The following LTN1 variants were observed in gnomAD, a reference collection of about 807,000 sequenced individuals.
LTN1 encodes the protein listerin E3 ubiquitin protein ligase 1.
Under a neutral mutation model 201.2 loss-of-function variants are expected in LTN1, and 88 were observed. The ratio of observed to expected loss-of-function variants is 0.44; its 90% CI spans 0.37 to 0.52. LTN1 has a LOEUF of 0.52. Among genes scored for constraint, LTN1 ranks in the 20% least tolerant of loss-of-function variants. The pLI is 0.00. For synonymous variants in LTN1, 645 were observed against 713.5 expected (o/e 0.90, Z 1.53); for missense variants, 1,752 against 2,038.7 (o/e 0.86, Z 2.71).
chr21:28,966,488 C>A lies in LTN1; in HGVS notation c.2003G>T (p.Gly668Val). Residue 668 changes from glycine to valine, a missense_variant, in exon 10 of 30, where the codon GGT becomes GTT. This residue lies in a region of LTN1 where 1,211 missense variants were observed against 1,312.8 expected (regional missense o/e 0.92). Transcript: ENST00000361371. ...CTTCCTTTGATCTTCATTTAGCCAA[C>A]CTATCAGTTTCTGGTATAAAAACTG... Reference protein sequence around the residue: ...AVQFLYQKLIGWLNEDQRKDF... With the variant: ...AVQFLYQKLIVWLNEDQRKDF... The A allele has an allele frequency of 6.2e-7, 1 of 1,614,132 alleles. No individual in the cohort carries two copies. Among genetic ancestry groups the A allele is most frequent in the Non-Finnish European group, 8.5e-7 (1 of 1,180,018 alleles).
At position 28,932,796 on chromosome 21, in the gene LTN1, A is replaced by C. The variant is rs554144098; in HGVS notation, c.4876-132T>G. 247 of 591,660 alleles carry C rather than the reference A, an allele frequency of 4.2e-4. 1 individual carries two copies. The highest frequency in any genetic ancestry group is 4.1e-3 in the African/African-American group (215 of 52,314). The allele number at this position is 591,660 out of a possible 1,614,324, so 36.7% of individuals were successfully genotyped here. A position where few individuals can be genotyped will look rare whatever the true frequency, so the allele number is the denominator to read the frequency against. On this transcript the variant is annotated intron_variant, in intron 27 of 29. Transcript: ENST00000361371. ...GCAGGTAAATACATTCACTTATCTG[A>C]CATGAGATAATTAAGAAATACGTTT...
At chr21:28,946,500 A>G (rs1305402244) in intron 19 of LTN1, among the ~76,000 whole-genome samples, 1 of 152,164 alleles carries the variant, frequency 6.6e-6, no homozygotes, top group Non-Finnish European at 1.5e-5. Flanking sequence ...CACACAATAG[A>G]GAATTTGGGG....
chr21:28,932,628 T>A lies in LTN1; in HGVS notation c.4912A>T (p.Thr1638Ser). 1 of 1,613,336 alleles carries A rather than the reference T, an allele frequency of 6.2e-7. No individual in the cohort carries two copies. Among genetic ancestry groups the A allele is most frequent in the African/African-American group, 1.3e-5 (1 of 75,008 alleles). Reference sequence around the variant, plus strand: ...ATAACTATGTCCTCAATAGTATAAGTAGCCATTACCTCTCGAGTAGTAGCT... The same window carrying A: ...ATAACTATGTCCTCAATAGTATAAGAAGCCATTACCTCTCGAGTAGTAGCT... ...ARATTREVMA[T>S]YTIEDIVIEL... Residue 1638 changes from threonine to serine, a missense_variant, in exon 28 of 30, where the codon ACT (threonine) becomes TCT (serine). This residue lies in a region of LTN1 where 261 missense variants were observed against 350.1 expected (regional missense o/e 0.75). Transcript: ENST00000361371.
At chr21:28,931,070 T>G (rs919203800) in intron 29 of LTN1, 85 bp downstream of exon 29, 17 of 259,460 alleles carry the variant, frequency 6.6e-5, no homozygotes, top group Admixed American at 3.2e-4. Context: ...TGTGTAGGTG[T>G]GTGTGTGTGT....
chr21:28,964,790 G>A, intron 11 of LTN1: 3 of 1,534,080 alleles, frequency 2.0e-6, no homozygotes, highest in Non-Finnish European at 2.6e-6. Context: ...GGATACATTA[G>A]TCTACTCTTA....
intron 9 of LTN1, among the ~76,000 whole-genome samples, chr21:28,968,609 A>ACATCTTTCT (rs1280488746): frequency 4.6e-5 from 7 of 151,812 alleles, no homozygotes; most frequent in African/African-American, 1.7e-4. Flanking sequence ...GCTTTGCATT[A>ACATCTTTCT]CATCTTTCTT....
intron 18 of LTN1, among the ~76,000 whole-genome samples, chr21:28,949,642 C>T (rs937497952): frequency 5.9e-5 from 9 of 152,188 alleles, no homozygotes; most frequent in African/African-American, 2.2e-4. Flanking sequence ...CCTCAAGGTT[C>T]ATACAGACTG....
rs761480766 is a variant in LTN1, at chr21:28,943,918, G to A, written c.3983-14C>T. ...CTTTGTTTTCTCCTAATGACAAAAAGGAAAGAAACATGCACGTCTCAAAAG... is the reference window on the plus strand; with the variant it reads ...CTTTGTTTTCTCCTAATGACAAAAAAGAAAGAAACATGCACGTCTCAAAAG... On this transcript the variant is annotated splice_polypyrimidine_tract_variant and intron_variant, in intron 22 of 29. Transcript: ENST00000361371. The A allele has an allele frequency of 1.3e-6, 2 of 1,524,802 alleles. No homozygotes were observed. The highest frequency in any genetic ancestry group is 9.1e-7 in the Non-Finnish European group (1 of 1,099,700). The allele number at this position is 1,524,802 out of a possible 1,614,324, so 94.5% of individuals were successfully genotyped here.
Position 28,944,370 on chromosome 21 carries a change from CT to C in LTN1, c.3982+12del. ...AATGAATCAATCTCACTATTATTCC[CT>C]TTTTCACTTGCCTGTAACAGTCACC... On this transcript the variant is annotated intron_variant, in intron 22 of 29. Coordinates refer to ENST00000361371, the MANE Select transcript of LTN1 (RefSeq NM_015565.3). 3 of 1,596,112 alleles carry C rather than the reference CT, an allele frequency of 1.9e-6. No homozygotes were observed. The highest frequency in any genetic ancestry group is 2.6e-6 in the Non-Finnish European group (3 of 1,163,888).
At chr21:28,970,773 A>G (rs1317547302) in intron 7 of LTN1, 31 bp from the exon 8 acceptor site, 1 of 1,519,116 alleles carries the variant, frequency 6.6e-7, no homozygotes, top group Non-Finnish European at 9.1e-7. Context: ...AGTAGTAATT[A>G]GAGATCATAA....
chr21:28,964,414 T>C (rs1601193734), intron 11 of LTN1, among the ~76,000 whole-genome samples: 1 of 152,234 alleles, frequency 6.6e-6, no homozygotes, highest in African/African-American at 2.4e-5. Flanking sequence ...TTAGCACTGT[T>C]TAGCAATAAA....
At position 28,935,007 on chromosome 21, in the gene LTN1, A is replaced by G. The variant is rs2084242821; in HGVS notation, c.4875+102T>C. 4 of 805,912 alleles carry G rather than the reference A, an allele frequency of 5.0e-6. No homozygotes were observed. In the East Asian group the frequency reaches 1.0e-4, roughly 21 times the overall value. 49.9% of individuals were successfully genotyped at this position (805,912 alleles called of 1,614,324 possible). On this transcript the variant is annotated intron_variant, in intron 27 of 29. Coordinates refer to ENST00000361371, the MANE Select transcript of LTN1 (RefSeq NM_015565.3). ...CCACGACTCCTGGCCACCAGTTTCT[A>G]TAAATTCTGAGTTAAGAGCTACAGT...
chr21:28,970,473 A>C, intron 8 of LTN1, 79 bp downstream of exon 8: 3 of 945,664 alleles, frequency 3.2e-6, no homozygotes, highest in Non-Finnish European at 4.8e-6. Flanking sequence ...AACTTGGAGA[A>C]ATTTAAGTAA....
chr21:28,992,213 CACA>C lies in LTN1; in HGVS notation c.42+548_42+550del, dbSNP rs2084752005. Among the ~76,000 whole-genome samples the C allele has an allele frequency of 2.0e-4, 30 of 152,180 alleles. No individual in the cohort carries two copies. In the South Asian group the frequency reaches 6.2e-3, roughly 32 times the overall value. Reference sequence around the variant, plus strand: ...TTGGGAGCCGGCCAGGTAGTCAAGGCACAGTGAAGAGATCAGTGTGGCTGGATG... The same window carrying C: ...TTGGGAGCCGGCCAGGTAGTCAAGGCGTGAAGAGATCAGTGTGGCTGGATG... On this transcript the variant is annotated intron_variant, in intron 1 of 29. Coordinates refer to ENST00000361371, the MANE Select transcript of LTN1 (RefSeq NM_015565.3).
intron 27 of LTN1, among the ~76,000 whole-genome samples, chr21:28,933,139 G>A (rs190143064): frequency 4.3e-4 from 66 of 152,030 alleles, no homozygotes; most frequent in Middle Eastern, 3.4e-3. Flanking sequence ...AACATAAAAC[G>A]CACACATTAT....
At chr21:28,983,377 G>T (rs961301294) in intron 4 of LTN1, among the ~76,000 whole-genome samples, 1 of 152,162 alleles carries the variant, frequency 6.6e-6, no homozygotes. Flanking sequence ...CTTCACTCTT[G>T]TAACGTTTAT....
intron 1 of LTN1, among the ~76,000 whole-genome samples, chr21:28,988,862 G>A (rs1244319506): frequency 6.6e-6 from 1 of 151,924 alleles, no homozygotes; most frequent in Non-Finnish European, 1.5e-5. Flanking sequence ...CTACTTGGGA[G>A]GCTGAGGCAG....
chr21:28,941,364 C>T lies in LTN1; in HGVS notation c.4338G>A (p.Glu1446=). 1 of 1,613,394 alleles carries T rather than the reference C, an allele frequency of 6.2e-7. No individual in the cohort carries two copies. Among genetic ancestry groups the T allele is most frequent in the Non-Finnish European group, 8.5e-7 (1 of 1,179,794 alleles). Residue 1446 remains glutamate (E), a synonymous_variant, in exon 25 of 30, where the codon GAG becomes GAA. Transcript: ENST00000361371. ...ACCCCAAAACATTTTCTAGTAAGTC[C>T]TCTTGAATGCTAAGAAGAGACATCA... ...AALMSLLSIQ[E]DLLENVLGCI...
chr21:28,949,716 C>T (rs2084368137), intron 18 of LTN1, among the ~76,000 whole-genome samples: 1 of 152,128 alleles, frequency 6.6e-6, no homozygotes, highest in African/African-American at 2.4e-5. Context: ...TATGGTTATA[C>T]CACACTTTTA....
Sources: gnomAD v4.1 joint callset for allele counts (sites outside exome capture counted in the v4.1 genomes callset) on GRCh38, gnomAD v4.1.1 for gene constraint, gnomAD v4.1.1 regional missense constraint, MANE v1.5 for transcripts, NCBI Gene and HGNC (gene_info 2026-07-23, HGNC 2026-07-21) for gene names.